MUC5AC: variants seen among roughly 807,000 people sequenced by gnomAD.
MUC5AC encodes mucin 5AC, oligomeric mucus/gel-forming.
MUC5AC carries 158 observed loss-of-function variants against 169.7 expected under a neutral mutation model. That is an observed-to-expected ratio of 0.93 (90% confidence interval 0.82 to 1.06). The LOEUF (loss-of-function observed/expected upper bound fraction) is 1.06, where lower values mean the gene tolerates loss of function less well. MUC5AC is among the 50% of genes least tolerant of loss of function. The pLI, the probability that MUC5AC is intolerant of heterozygous loss-of-function variation, is 0.00. For synonymous variants in MUC5AC, 1,975 were observed against 1,237.0 expected (o/e 1.60, Z -12.52); for missense variants, 4,359 against 3,089.9 (o/e 1.41, Z -9.74).
At position 1,198,886 on chromosome 11, in the gene MUC5AC, G is replaced by T; in HGVS notation, c.16186G>T (p.Val5396Phe). The part of the protein sequence containing the change: ...NGTLYQPGAV[V>F]SSSLCETCRC... Reference sequence around the variant, plus strand: ...TGGCTCTCCCCAGCCCGGCGCCGTGGTCTCCTCGAGCCTGTGCGAAACCTG... The same window carrying T: ...TGGCTCTCCCCAGCCCGGCGCCGTGTTCTCCTCGAGCCTGTGCGAAACCTG... The change falls in exon 44 of 49, where the codon GTC (valine) becomes TTC (phenylalanine). Residue 5396 changes from valine (V) to phenylalanine (F), a missense_variant. Transcript: ENST00000621226. 2.7e-6 allele frequency: 2 copies of T among 749,562 alleles called. No individual in the cohort carries two copies. The highest frequency in any genetic ancestry group is 4.9e-6 in the Non-Finnish European group (2 of 411,378). 46.4% of individuals were successfully genotyped at this position (749,562 alleles called of 1,614,324 possible).
In MUC5AC at chr11:1,200,557, C is replaced by A; in HGVS notation, c.16820C>A (p.Thr5607Asn). 1 of 764,588 alleles carries A rather than the reference C, an allele frequency of 1.3e-6. No homozygotes were observed. Among genetic ancestry groups the A allele is most frequent in the Non-Finnish European group, 2.4e-6 (1 of 417,590 alleles). The allele number at this position is 764,588 out of a possible 1,614,324, so 47.4% of individuals were successfully genotyped here. Residue 5607 changes from threonine (T) to asparagine (N), a missense_variant, in exon 49 of 49, where the codon ACC (threonine) becomes AAC (asparagine). Coordinates refer to ENST00000621226, the MANE Select transcript of MUC5AC (RefSeq NM_001304359.2). ...TDGSSRAFSY[T>N]EVEECGCMGR... ...GGCTCCAGCCGGGCCTTCAGCTACA[C>A]CGAGGTGGAAGAGTGCGGCTGCATG...
rs1313188710 is a variant in MUC5AC, at chr11:1,186,903, C to T, written c.8758C>T (p.Pro2920Ser). ...SAPTTSTTSA[P>S]TSSTTSATTT... ...CCCTACAACCAGCACAACCTCTGCC[C>T]CTACAAGCAGCACAACCTCAGCTAC... Residue 2920 changes from proline to serine, a missense_variant, in exon 31 of 49, where the codon CCT becomes TCT. Transcript: ENST00000621226. 2.8e-6 allele frequency: 2 copies of T among 723,840 alleles called. No homozygotes were observed. Among genetic ancestry groups the T allele is most frequent in the Non-Finnish European group, 5.0e-6 (2 of 396,876 alleles). The allele number at this position is 723,840 out of a possible 1,614,324, so 44.8% of individuals were successfully genotyped here. A position where few individuals can be genotyped will look rare whatever the true frequency, so the allele number is the denominator to read the frequency against.
At chr11:1,165,877 C>T in intron 11 of MUC5AC, 117 bp downstream of exon 11, 5 of 1,449,948 alleles carry the variant, frequency 3.4e-6, no homozygotes, top group East Asian at 4.5e-5. Context: ...CCTTGGGGGT[C>T]CCCGATGTTG....
rs1449702198 is a variant in MUC5AC at position 1,185,028 on chromosome 11, G to A, written c.6883G>A (p.Ala2295Thr). ...TGCTCCTACAACCAGAACAACCTCT[G>A]CCTCTCCAGCCAGCACAACCTCTGG... is the stretch of plus-strand genomic sequence containing the variant. ...TSAPTTRTTS[A>T]SPASTTSGPG... Residue 2295 changes from alanine to threonine, a missense_variant, in exon 31 of 49, where the codon GCC becomes ACC. Physicochemically the swap from Ala to Thr is moderately conservative, Grantham distance 58. Coordinates refer to ENST00000621226, the MANE Select transcript of MUC5AC (RefSeq NM_001304359.2). The A allele has an allele frequency of 1.0e-5, 7 of 689,650 alleles. No homozygotes were observed. The highest frequency in any genetic ancestry group is 1.8e-5 in the African/African-American group (1 of 55,950). The allele number at this position is 689,650 out of a possible 1,614,324, so 42.7% of individuals were successfully genotyped here.
intron 11 of MUC5AC, among the ~76,000 whole-genome samples, chr11:1,166,834 T>C (rs1189631014): frequency 4.4e-4 from 34 of 77,874 alleles, no homozygotes; most frequent in East Asian, 4.5e-4. Flanking sequence ...AACACACAGT[T>C]TCTCCACGAT....
chr11:1,196,354 C>T (rs776914800), intron 37 of MUC5AC, 34 bp from the exon 38 acceptor site: 5 of 763,308 alleles, frequency 6.6e-6, no homozygotes, highest in Middle Eastern at 2.2e-4. Flanking sequence ...GGGTGCCCTC[C>T]CACCCTCTCA....
chr11:1,164,288 GC>G lies in MUC5AC; in HGVS notation c.976del (p.Gln326ArgfsTer135). On this transcript the variant is annotated frameshift_variant, in exon 8 of 49. Coordinates refer to ENST00000621226, the MANE Select transcript of MUC5AC (RefSeq NM_001304359.2). LOFTEE classifies it high-confidence loss of function. ...SRQCTHAGGL[P>X]QDWRGPDFCP... ...GGCAGTGCACCCATGCAGGGGGGTT[GC>G]CCCAGGACTGGCGGGGCCCTGACTT... 1 of 1,612,472 alleles carries G rather than the reference GC, an allele frequency of 6.2e-7. No homozygotes were observed. Among genetic ancestry groups the G allele is most frequent in the Non-Finnish European group, 8.5e-7 (1 of 1,179,854 alleles).
intron 37 of MUC5AC, 25 bp downstream of exon 37, chr11:1,196,079 G>A (rs1163098702): frequency 1.3e-6 from 1 of 754,270 alleles, no homozygotes; most frequent in Non-Finnish European, 2.4e-6. Context: ...TGTCCTCAGG[G>A]TCCCAAGTCG....
Position 1,189,955 on chromosome 11 carries a change from A to G in MUC5AC, c.11810A>G (p.His3937Arg). 1.3e-6 allele frequency: 1 copy of G among 765,100 alleles called. No individual in the cohort carries two copies. Among genetic ancestry groups the G allele is most frequent in the South Asian group, 1.3e-5 (1 of 74,610 alleles). The allele number at this position is 765,100 out of a possible 1,614,324, so 47.4% of individuals were successfully genotyped here. ...TCTGTTTCAAAGACCAGCACAAGCC[A>G]TGTTTCTGTATCCAAGACAACCCAC... The part of the protein sequence containing the change: ...TASVSKTSTS[H>R]VSVSKTTHSQ... The change falls in exon 31 of 49, where the codon CAT (histidine) becomes CGT (arginine). Residue 3937 changes from histidine to arginine, a missense_variant. By Grantham distance (29) the His-to-Arg change is conservative (BLOSUM62 0). Coordinates refer to ENST00000621226, the MANE Select transcript of MUC5AC (RefSeq NM_001304359.2).
chr11:1,164,292 C>G lies in MUC5AC; in HGVS notation c.976C>G (p.Gln326Glu). 1.2e-6 allele frequency: 2 copies of G among 1,612,478 alleles called. No individual in the cohort carries two copies. The change falls in exon 8 of 49, where the codon CAG becomes GAG. Residue 326 changes from glutamine to glutamate, a missense_variant. Physicochemically the swap from Gln to Glu is conservative, Grantham distance 29 (BLOSUM62 2). Transcript: ENST00000621226. ...GTGCACCCATGCAGGGGGGTTGCCC[C>G]AGGACTGGCGGGGCCCTGACTTCTG... Reference protein sequence around the residue: ...RQCTHAGGLPQDWRGPDFCPQ... With the variant: ...RQCTHAGGLPEDWRGPDFCPQ...
In MUC5AC at chr11:1,177,564, C is replaced by G. The variant is rs1380039395; in HGVS notation, c.3018C>G (p.Thr1006=). The change falls in exon 24 of 49, where the codon ACC becomes ACG. Residue 1006 remains threonine, a synonymous_variant. Transcript: ENST00000621226. ...TGGGCATCTACCTGGTGGTGGACAC[C>G]GACATTGGCCTGGTGCTGCTGTGGG... ...RQMGIYLVVD[T]DIGLVLLWDK... is the part of the protein sequence containing the mutation. The G allele has an allele frequency of 5.0e-6, 2 of 398,732 alleles. No homozygotes were observed. Among genetic ancestry groups the G allele is most frequent in the Non-Finnish European group, 8.8e-6 (2 of 226,154 alleles). The allele number at this position is 398,732 out of a possible 1,614,324, so 24.7% of individuals were successfully genotyped here. A position where few individuals can be genotyped will look rare whatever the true frequency, so the allele number is the denominator to read the frequency against.
In MUC5AC at chr11:1,162,977, CCAA is replaced by C. The variant is rs1374369005; in HGVS notation, c.615_617del (p.Asn205del). The C allele has an allele frequency of 3.7e-6, 6 of 1,612,572 alleles. No individual in the cohort carries two copies. In the African/African-American group the frequency reaches 6.7e-5, roughly 18 times the overall value. On this transcript the variant is annotated inframe_deletion, in exon 6 of 49. Coordinates refer to ENST00000621226, the MANE Select transcript of MUC5AC (RefSeq NM_001304359.2). ...CAGCTGGAGCTGGACACCAAATACG[CCAA>C]CAAGACCTGTGGGCTCTGTGGGGAC...
intron 4 of MUC5AC, 54 bp downstream of exon 4, chr11:1,162,222 CCGGGTGGTTG>C: frequency 6.3e-7 from 1 of 1,585,416 alleles, no homozygotes. Flanking sequence ...GGTGGCATTT[CCGGGTGGTTG>C]CGGGGTTTCG....
At position 1,165,727 on chromosome 11, in the gene MUC5AC, G is replaced by T; in HGVS notation, c.1353G>T (p.Thr451=). Residue 451 remains threonine, a synonymous_variant, in exon 11 of 49, where the codon ACG becomes ACT. Coordinates refer to ENST00000621226, the MANE Select transcript of MUC5AC (RefSeq NM_001304359.2). ...CAACGTTTGACGGGAAGCAATACAC[G>T]GTGCACGGCGACTGCAGCTATGTGC... ...HFSTFDGKQY[T]VHGDCSYVLT... 1 of 1,612,342 alleles carries T rather than the reference G, an allele frequency of 6.2e-7. No individual in the cohort carries two copies. The highest frequency in any genetic ancestry group is 1.1e-5 in the South Asian group (1 of 91,084).
Position 1,186,392 on chromosome 11 carries a change from C to T in MUC5AC, c.8247C>T (p.Thr2749=). The change falls in exon 31 of 49, where the codon ACC becomes ACT. Residue 2749 remains threonine (T), a synonymous_variant. Coordinates refer to ENST00000621226, the MANE Select transcript of MUC5AC (RefSeq NM_001304359.2). ...CCTCTGCTCCTACACCCAGAAGAAC[C>T]TCAGCCCCTACAACCAGCACAATCT... The part of the protein sequence containing the change: ...STTSAPTPRR[T]SAPTTSTISA... The T allele has an allele frequency of 1.4e-6, 1 of 707,752 alleles. No individual in the cohort carries two copies. The highest frequency in any genetic ancestry group is 2.6e-6 in the Non-Finnish European group (1 of 388,058). The allele number at this position is 707,752 out of a possible 1,614,324, so 43.8% of individuals were successfully genotyped here. A position where few individuals can be genotyped will look rare whatever the true frequency, so the allele number is the denominator to read the frequency against.
chr11:1,171,326 C>G (rs1376274798), intron 15 of MUC5AC, among the ~76,000 whole-genome samples: 1 of 68,820 alleles, frequency 1.5e-5, no homozygotes, highest in Non-Finnish European at 2.5e-5. Context: ...AGTCACCTCA[C>G]TCACTCACTC....
chr11:1,168,624 T>A lies in MUC5AC; in HGVS notation c.1568-18T>A. On this transcript the variant is annotated intron_variant, in intron 13 of 48. Coordinates refer to ENST00000621226, the MANE Select transcript of MUC5AC (RefSeq NM_001304359.2). ...GCCCCACAGCCCCCAGCAAAACCCT[T>A]GTCCTTTGTGTCCCCAGCCAACGTC... is the stretch of plus-strand genomic sequence containing the variant. 6.2e-7 allele frequency: 1 copy of A among 1,610,432 alleles called. No homozygotes were observed. The highest frequency in any genetic ancestry group is 1.1e-5 in the South Asian group (1 of 91,058).
intron 6 of MUC5AC, among the ~76,000 whole-genome samples, chr11:1,163,328 C>T (rs1332505418): frequency 6.6e-6 from 1 of 152,200 alleles, no homozygotes; most frequent in African/African-American, 2.4e-5. Flanking sequence ...AATGACAGAC[C>T]TGCCTCCTTC....
chr11:1,193,508 C>A lies in MUC5AC; in HGVS notation c.14604C>A (p.Pro4868=). 1 of 751,266 alleles carries A rather than the reference C, an allele frequency of 1.3e-6. No homozygotes were observed. The highest frequency in any genetic ancestry group is 2.5e-5 in the East Asian group (1 of 40,306). The allele number at this position is 751,266 out of a possible 1,614,324, so 46.5% of individuals were successfully genotyped here. The change falls in exon 33 of 49, where the codon CCC becomes CCA. Residue 4868 remains proline, a synonymous_variant. Transcript: ENST00000621226. ...PRKKGETWAT[P]NCSEATCEGN... ...AGAAAGGTGAGACCTGGGCCACACC[C>A]AACTGCTCCGAGGCCACCTGTGAGG...
Sources: gnomAD v4.1 joint callset for allele counts (sites outside exome capture counted in the v4.1 genomes callset) on GRCh38, gnomAD v4.1.1 for gene constraint, MANE v1.5 for transcripts, NCBI Gene and HGNC (gene_info 2026-07-23, HGNC 2026-07-21) for gene names.